ZNF385D: variants seen among roughly 807,000 people sequenced by gnomAD.
ZNF385D encodes zinc finger protein 385D.
A neutral mutation model predicts 35.8 loss-of-function variants in ZNF385D; 15 were observed. The ratio of observed to expected loss-of-function variants is 0.42; its 90% CI spans 0.28 to 0.64. The LOEUF (loss-of-function observed/expected upper bound fraction) is 0.64, where lower values mean the gene tolerates loss of function less well. Among genes scored for constraint, ZNF385D ranks in the 30% least tolerant of loss-of-function variants. ZNF385D has a pLI of 0.23. For missense variants in ZNF385D, 474 were observed against 494.6 expected (o/e 0.96, Z 0.39); for synonymous variants, 212 against 186.8 (o/e 1.13, Z -1.10).
At chr3:22,101,179 T>C (rs1208542009) in intron 3 of ZNF385D, among the ~76,000 whole-genome samples, 1 of 152,062 alleles carries the variant, frequency 6.6e-6, no homozygotes, top group East Asian at 1.9e-4. Flanking sequence ...TTTCTAGTAG[T>C]ATTCAAGACA....
At chr3:21,610,705 G>C (rs1451273555) in intron 2 of ZNF385D, among the ~76,000 whole-genome samples, 3 of 151,982 alleles carry the variant, frequency 2.0e-5, no homozygotes, top group African/African-American at 7.2e-5. Context: ...AACCCAGGAG[G>C]CGGGGCTTGC....
chr3:21,552,955 A>G (rs1053710053), intron 3 of ZNF385D, among the ~76,000 whole-genome samples: 1 of 152,204 alleles, frequency 6.6e-6, no homozygotes, highest in Non-Finnish European at 1.5e-5. Flanking sequence ...TGGAAGAGGG[A>G]GGCAGAAGAG....
intron 3 of ZNF385D, among the ~76,000 whole-genome samples, chr3:21,781,906 G>A (rs768172558): frequency 2.0e-5 from 3 of 152,006 alleles, no homozygotes; most frequent in Non-Finnish European, 4.4e-5. Context: ...AAAGCTCAAA[G>A]GGCTAAATGG....
chr3:22,335,950 A>T (rs1357413024), intron 2 of ZNF385D, among the ~76,000 whole-genome samples: 1 of 152,058 alleles, frequency 6.6e-6, no homozygotes, highest in African/African-American at 2.4e-5. Context: ...TTATTTTGGG[A>T]CTTTGTGTTG....
chr3:21,784,326 T>C (rs546839662), intron 3 of ZNF385D, among the ~76,000 whole-genome samples: 1 of 152,310 alleles, frequency 6.6e-6, no homozygotes, highest in African/African-American at 2.4e-5. Flanking sequence ...CCTTTTGGTG[T>C]TACTCTGAAA....
intron 2 of ZNF385D, among the ~76,000 whole-genome samples, chr3:22,169,375 T>C (rs920346895): frequency 2.6e-5 from 4 of 152,228 alleles, no homozygotes; most frequent in African/African-American, 9.6e-5. Context: ...TTGTCTAAGG[T>C]CACACAGCTA....
intron 2 of ZNF385D, among the ~76,000 whole-genome samples, chr3:21,587,681 AAT>A (rs773421115): frequency 6.6e-6 from 1 of 152,162 alleles, no homozygotes; most frequent in Non-Finnish European, 1.5e-5. Flanking sequence ...TAAATATAAG[AAT>A]TATTGGTATA....
At chr3:21,605,850 A>C (rs1357579558) in intron 2 of ZNF385D, among the ~76,000 whole-genome samples, 1 of 152,176 alleles carries the variant, frequency 6.6e-6, no homozygotes, top group African/African-American at 2.4e-5. Flanking sequence ...ATTTGAACAT[A>C]AAATACTTCA....
chr3:21,633,112 T>A (rs905844861), intron 2 of ZNF385D, among the ~76,000 whole-genome samples: 1 of 152,106 alleles, frequency 6.6e-6, no homozygotes, highest in African/African-American at 2.4e-5. Flanking sequence ...TTTTTTTAGC[T>A]ATCATAATCT....
chr3:21,671,097 C>G (rs79100792), intron 1 of ZNF385D, among the ~76,000 whole-genome samples: 1 of 151,952 alleles, frequency 6.6e-6, no homozygotes, highest in Non-Finnish European at 1.5e-5. Flanking sequence ...GCATGTACAT[C>G]TTCTACTTTC....
intron 3 of ZNF385D, among the ~76,000 whole-genome samples, chr3:21,773,169 T>A (rs141720259): frequency 1.3e-5 from 2 of 151,904 alleles, no homozygotes; most frequent in African/African-American, 4.8e-5. Flanking sequence ...TTTAATACCA[T>A]TGAACTGTAC....
chr3:22,188,078 G>T (rs1695758900), intron 2 of ZNF385D, among the ~76,000 whole-genome samples: 1 of 152,126 alleles, frequency 6.6e-6, no homozygotes, highest in Non-Finnish European at 1.5e-5. Context: ...GTGTACACAG[G>T]AATCACGGAG....
chr3:21,468,547 A>G (rs1703674760), intron 4 of ZNF385D, among the ~76,000 whole-genome samples: 1 of 152,160 alleles, frequency 6.6e-6, no homozygotes, highest in Non-Finnish European at 1.5e-5. Flanking sequence ...CTACTCAGCA[A>G]TAAAAAGAAA....
intron 3 of ZNF385D, among the ~76,000 whole-genome samples, chr3:21,810,087 A>G (rs2072844018): frequency 6.6e-6 from 1 of 152,182 alleles, no homozygotes; most frequent in Non-Finnish European, 1.5e-5. Flanking sequence ...AAAAGTAAAT[A>G]GACAAATACA....
chr3:21,981,108 A>G (rs1434573130), intron 3 of ZNF385D, among the ~76,000 whole-genome samples: 4 of 152,054 alleles, frequency 2.6e-5, no homozygotes, highest in Non-Finnish European at 5.9e-5. Flanking sequence ...GGGTTGAATG[A>G]TAGTTGTACT....
chr3:21,820,039 T>TA (rs1194853311), intron 3 of ZNF385D, among the ~76,000 whole-genome samples: 8 of 151,132 alleles, frequency 5.3e-5, no homozygotes, highest in Admixed American at 2.6e-4. Context: ...ATTAAGCATA[T>TA]AAAAAACAGT....
intron 3 of ZNF385D, among the ~76,000 whole-genome samples, chr3:22,020,133 T>C (rs993078187): frequency 2.6e-5 from 4 of 151,762 alleles, no homozygotes; most frequent in Non-Finnish European, 5.9e-5. Context: ...GCTCAGAAAA[T>C]TCTGGATACT....
At chr3:22,108,301 T>G (rs1702330187) in intron 3 of ZNF385D, among the ~76,000 whole-genome samples, 1 of 152,118 alleles carries the variant, frequency 6.6e-6, no homozygotes, top group Non-Finnish European at 1.5e-5. Flanking sequence ...ATCTGTCGAG[T>G]GTTCGATTTT....
intron 1 of ZNF385D, among the ~76,000 whole-genome samples, chr3:21,707,999 A>G (rs1417318654): frequency 6.6e-6 from 1 of 152,186 alleles, no homozygotes; most frequent in Non-Finnish European, 1.5e-5. Context: ...CACTACGGGC[A>G]TGTAGGACTT....
Sources: allele counts gnomAD v4.1 joint callset (sites outside exome capture counted in the v4.1 genomes callset), GRCh38; gene constraint gnomAD v4.1.1; transcripts MANE v1.5; gene names NCBI Gene and HGNC (gene_info 2026-07-23, HGNC 2026-07-21).